EPS8L1: variants seen among roughly 807,000 people sequenced by gnomAD.
EPS8L1 encodes the protein epidermal growth factor receptor kinase substrate 8-like protein 1.
EPS8L1 carries 101 observed loss-of-function variants against 91.7 expected under a neutral mutation model. That is an observed-to-expected ratio of 1.10 (90% CI 0.94 to 1.30). The LOEUF is 1.30. Among genes scored for constraint, EPS8L1 ranks in the 50% most tolerant of loss-of-function variants. EPS8L1 has a pLI of 0.00. For missense variants in EPS8L1, 1,114 were observed against 1,017.0 expected, an observed-to-expected ratio of 1.10 and a Z score of -1.30; for synonymous variants, 506 against 445.3, an observed-to-expected ratio of 1.14 and a Z score of -1.72.
Position 55,085,943 on chromosome 19 carries a change from G to A in EPS8L1, c.1488G>A (p.Glu496=), listed in dbSNP as rs1445106971. Residue 496 remains glutamate, a synonymous_variant, in exon 15 of 20, where the codon GAG becomes GAA. Coordinates refer to ENST00000201647, the MANE Select transcript of EPS8L1 (RefSeq NM_133180.3). ...NYDFQARNSS[E]LSVKQRDVLE... ...ACTTCCAGGCCCGCAACAGCAGTGA[G>A]CTGTCGGTCAAGCAGCGGGACGTAC... 6.2e-7 allele frequency: 1 copy of A among 1,613,734 alleles called. No homozygotes were observed. Among genetic ancestry groups the A allele is most frequent in the East Asian group, 2.2e-5 (1 of 44,852 alleles).
chr19:55,084,118 G>A, intron 14 of EPS8L1: 1 of 252,572 alleles, frequency 4.0e-6, no homozygotes, highest in Non-Finnish European at 7.7e-6. Flanking sequence ...ACCCAGAGGA[G>A]CAGGCTTGGG....
rs560824162 is a variant in EPS8L1, at chr19:55,087,516, C to A, written c.2086-12C>A. ...GACGCCAGGACAAAGCGATTTCCAC[C>A]CCGCCCTCCAGGACAAAGAGAAAGT... is the stretch of plus-strand genomic sequence containing the variant. On this transcript the variant is annotated splice_polypyrimidine_tract_variant and intron_variant, in intron 19 of 19. Coordinates refer to ENST00000201647, the MANE Select transcript of EPS8L1 (RefSeq NM_133180.3). 1.2e-6 allele frequency: 2 copies of A among 1,614,120 alleles called. No individual in the cohort carries two copies. The highest frequency in any genetic ancestry group is 8.5e-7 in the Non-Finnish European group (1 of 1,180,006).
Position 55,087,230 on chromosome 19 carries a change from T to G in EPS8L1, c.1953-73T>G, listed in dbSNP as rs1490480763. 5.3e-6 allele frequency: 8 copies of G among 1,521,740 alleles called. No individual in the cohort carries two copies. In the African/African-American group the frequency reaches 9.7e-5, roughly 18 times the overall value. 94.3% of individuals were successfully genotyped at this position (1,521,740 alleles called of 1,614,324 possible). A position where few individuals can be genotyped will look rare whatever the true frequency, so the allele number is the denominator to read the frequency against. On this transcript the variant is annotated intron_variant, in intron 18 of 19. Transcript: ENST00000201647. ...CTGTTCTGATTGGACCATCGCCGGGTGGGCGTGACATGATTGTCCGGGCTG... is the reference window on the plus strand; with the variant it reads ...CTGTTCTGATTGGACCATCGCCGGGGGGGCGTGACATGATTGTCCGGGCTG...
At position 55,086,831 on chromosome 19, in the gene EPS8L1, C is replaced by T. The variant is rs758031153; in HGVS notation, c.1895C>T (p.Pro632Leu). Residue 632 changes from proline to leucine, a missense_variant, in exon 18 of 20, where the codon CCG becomes CTG. Pro to Leu is a moderately conservative substitution (Grantham distance 98). Coordinates refer to ENST00000201647, the MANE Select transcript of EPS8L1 (RefSeq NM_133180.3). ...GPRAPEPQLSPGSDASEVRAW... is the reference protein window; with the variant it reads ...GPRAPEPQLSLGSDASEVRAW... Reference sequence around the variant, plus strand: ...CGCGCCCCGGAACCGCAGCTCAGCCCGGGCTCGGACGCCTCCGAGGTCCGC... The same window carrying T: ...CGCGCCCCGGAACCGCAGCTCAGCCTGGGCTCGGACGCCTCCGAGGTCCGC... 3.2e-5 allele frequency: 50 copies of T among 1,544,038 alleles called. 1 individual carries two copies. The highest frequency in any genetic ancestry group is 1.2e-4 in the South Asian group (10 of 83,852).
intron 6 of EPS8L1, chr19:55,080,566 T>TGGGTCTCCATGGGCG (rs2076233745): frequency 1.2e-6 from 2 of 1,608,946 alleles, no homozygotes; most frequent in African/African-American, 2.7e-5. Context: ...CCACCCGGAC[T>TGGGTCTCCATGGGCG]GGGTCTCCAT....
intron 2 of EPS8L1, 129 bp from the exon 3 acceptor site, chr19:55,077,959 T>C (rs955232067): frequency 1.4e-5 from 5 of 366,630 alleles, no homozygotes; most frequent in African/African-American, 8.6e-5. Flanking sequence ...ATAATAATAA[T>C]AATAATAATA....
In EPS8L1 at chr19:55,081,916, CGTG is replaced by C; in HGVS notation, c.901+19_901+21del. 6.2e-7 allele frequency: 1 copy of C among 1,601,956 alleles called. No individual in the cohort carries two copies. The highest frequency in any genetic ancestry group is 8.5e-7 in the Non-Finnish European group (1 of 1,173,030). On this transcript the variant is annotated intron_variant, in intron 9 of 19. Coordinates refer to ENST00000201647, the MANE Select transcript of EPS8L1 (RefSeq NM_133180.3). This position sits in a 1 kb window ranked among gnomAD's most constrained non-coding sequence, Gnocchi z 4.9. ...CGGCTGGGGGTAAGGGGCACCCTGGCGTGGGATCTGAACCCCCTCCCGATCTCT... is the reference window on the plus strand; with the variant it reads ...CGGCTGGGGGTAAGGGGCACCCTGGCGGATCTGAACCCCCTCCCGATCTCT...
chr19:55,086,967 G>C, intron 18 of EPS8L1, 79 bp downstream of exon 18: 3 of 1,395,226 alleles, frequency 2.2e-6, no homozygotes, highest in Non-Finnish European at 2.8e-6. Flanking sequence ...CGGGAGTCGG[G>C]GGGCGGCAGT....
Position 55,082,547 on chromosome 19 carries a change from ACT to A in EPS8L1, c.1161_1162del (p.Pro388ThrfsTer2), listed in dbSNP as rs1568790622. The stretch of plus-strand genomic sequence containing the variant: ...CGTGGCGCTGCTGCGGGACAACGTC[ACT>A]CCACGTGAAAACGAGCTCTGGACCT... The part of the protein sequence containing the change: ...DAVALLRDNV[T>X]PRENELWTSL... On this transcript the variant is annotated frameshift_variant, in exon 12 of 20. Coordinates refer to ENST00000201647, the MANE Select transcript of EPS8L1 (RefSeq NM_133180.3). LOFTEE classifies it high-confidence loss of function. 1 of 1,604,560 alleles carries A rather than the reference ACT, an allele frequency of 6.2e-7. No homozygotes were observed. The highest frequency in any genetic ancestry group is 1.7e-5 in the Admixed American group (1 of 58,764).
At chr19:55,079,478 C>T (rs2076207159) in intron 4 of EPS8L1, 1 of 621,644 alleles carries the variant, frequency 1.6e-6, no homozygotes, top group Admixed American at 3.1e-5. Context: ...AGCCTCCAGT[C>T]TGTGAGAAGC....
In EPS8L1 at chr19:55,082,133, G is replaced by T; in HGVS notation, c.943G>T (p.Glu315Ter). Residue 315 changes from glutamate (E) to a stop codon, truncating the protein, a stop_gained, in exon 10 of 20, where the codon GAG (glutamate) becomes TAG (stop). Coordinates refer to ENST00000201647, the MANE Select transcript of EPS8L1 (RefSeq NM_133180.3). LOFTEE classifies it high-confidence loss of function. ...TLRAKPPSEA[E>*]YTDVLQKIKY... ...GCGGGCCAAGCCGCCCTCGGAGGCC[G>T]AGTACACCGACGTGCTGCAGAAGAT... The T allele has an allele frequency of 6.2e-7, 1 of 1,603,634 alleles. No homozygotes were observed. The highest frequency in any genetic ancestry group is 2.3e-5 in the East Asian group (1 of 44,390).
chr19:55,080,225 G>T lies in EPS8L1; in HGVS notation c.376G>T (p.Glu126Ter). The change falls in exon 6 of 20, where the codon GAA (glutamate) becomes TAA (stop). Residue 126 changes from glutamate to a stop codon, truncating the protein, a stop_gained. Coordinates refer to ENST00000201647, the MANE Select transcript of EPS8L1 (RefSeq NM_133180.3). LOFTEE classifies it high-confidence loss of function. ...CTCGTTGCTGCTGCTCGTGTGCCAG[G>T]AACCCGAGCGCGCGCAGCCCGACGT... ...SRSLLLLVCQEPERAQPDVHF... is the reference protein window; with the variant it reads ...SRSLLLLVCQ The T allele has an allele frequency of 6.5e-7, 1 of 1,538,558 alleles. No homozygotes were observed.
rs1267667860 is a variant in EPS8L1, at chr19:55,082,141, C to T, written c.951C>T (p.Thr317=). The T allele has an allele frequency of 1.9e-6, 3 of 1,604,144 alleles. No homozygotes were observed. The African/African-American group carries it at 4.0e-5, about 21-fold the overall frequency. ...RAKPPSEAEY[T]DVLQKIKYAF... ...AGCCGCCCTCGGAGGCCGAGTACAC[C>T]GACGTGCTGCAGAAGATCAAGTACG... The change falls in exon 10 of 20, where the codon ACC becomes ACT. Residue 317 remains threonine (T), a synonymous_variant. Transcript: ENST00000201647.
At chr19:55,077,861 A>AC (rs2076161381) in intron 2 of EPS8L1, among the ~76,000 whole-genome samples, 2 of 150,784 alleles carry the variant, frequency 1.3e-5, no homozygotes, top group Non-Finnish European at 3.0e-5. Flanking sequence ...TGCTGGGATT[A>AC]CAGGCGTGAG....
chr19:55,080,589 G>C, intron 6 of EPS8L1, 183 bp from the exon 7 acceptor site: 1 of 1,602,352 alleles, frequency 6.2e-7, no homozygotes, highest in Non-Finnish European at 8.5e-7. Context: ...GCGGGGTCGT[G>C]GCTTAGGGCA....
Position 55,083,456 on chromosome 19 carries a change from G to A in EPS8L1, c.1293G>A (p.Pro431=). 1.2e-6 allele frequency: 2 copies of A among 1,612,506 alleles called. No homozygotes were observed. The highest frequency in any genetic ancestry group is 1.1e-5 in the South Asian group (1 of 91,038). Residue 431 remains proline, a synonymous_variant, in exon 13 of 20, where the codon CCG becomes CCA. Coordinates refer to ENST00000201647, the MANE Select transcript of EPS8L1 (RefSeq NM_133180.3). The surrounding 1 kb of genome is among the most constrained non-coding windows in gnomAD (Gnocchi z 4.7). Reference sequence around the variant, plus strand: ...GCTGGGAGCCGCCGGTCACTGACCCGCAGAGCCGCGCCTGGGAGGACCCAG... The same window carrying A: ...GCTGGGAGCCGCCGGTCACTGACCCACAGAGCCGCGCCTGGGAGGACCCAG... ...FSGWEPPVTD[P]QSRAWEDPVE...
rs1283620950 is a variant in EPS8L1 at position 55,085,950 on chromosome 19, G to A, written c.1495G>A (p.Val499Ile). The A allele has an allele frequency of 3.1e-6, 5 of 1,613,690 alleles. No individual in the cohort carries two copies. The highest frequency in any genetic ancestry group is 4.2e-6 in the Non-Finnish European group (5 of 1,179,646). ...GGCCCGCAACAGCAGTGAGCTGTCG[G>A]TCAAGCAGCGGGACGTACTGGAGGT... ...FQARNSSELS[V>I]KQRDVLEVLD... Residue 499 changes from valine to isoleucine, a missense_variant, in exon 15 of 20, where the codon GTC becomes ATC. Val to Ile is a conservative substitution (Grantham distance 29). Transcript: ENST00000201647.
In EPS8L1 at chr19:55,086,525, G is replaced by C. The variant is rs1228574812; in HGVS notation, c.1777+7G>C. ...TTGGACCCCAGCGAGAAGGGTGAGT[G>C]GTGGGGACGCCGGCTGCGGGGAGCG... is the stretch of plus-strand genomic sequence containing the variant. On this transcript the variant is annotated splice_region_variant and intron_variant, in intron 17 of 19. Coordinates refer to ENST00000201647, the MANE Select transcript of EPS8L1 (RefSeq NM_133180.3). 1.3e-6 allele frequency: 2 copies of C among 1,550,562 alleles called. No homozygotes were observed. The highest frequency in any genetic ancestry group is 1.7e-6 in the Non-Finnish European group (2 of 1,146,576).
chr19:55,087,903 A>C lies in EPS8L1; in HGVS notation c.*289A>C, dbSNP rs1442763676. ...CATTGTAATATGCGGCCCAGCCTAT[A>C]AACAGCCTCCGTGCTTAGCAGATGG... is the stretch of plus-strand genomic sequence containing the variant. On this transcript the variant is annotated 3_prime_UTR_variant, in exon 20 of 20. Coordinates refer to ENST00000201647, the MANE Select transcript of EPS8L1 (RefSeq NM_133180.3). 4 of 440,326 alleles carry C rather than the reference A, an allele frequency of 9.1e-6. No individual in the cohort carries two copies. Among genetic ancestry groups the C allele is most frequent in the Admixed American group, 3.6e-5 (1 of 28,140 alleles). The allele number at this position is 440,326 out of a possible 1,614,324, so 27.3% of individuals were successfully genotyped here.
Sources: gnomAD v4.1 joint callset for allele counts (sites outside exome capture counted in the v4.1 genomes callset) on GRCh38, gnomAD v4.1.1 for gene constraint, Gnocchi (gnomAD v3.1) non-coding constraint, MANE v1.5 for transcripts, NCBI Gene and HGNC (gene_info 2026-07-23, HGNC 2026-07-21) for gene names.